The following DLC1 variants were observed in gnomAD, a reference collection of about 807,000 sequenced individuals.
DLC1 encodes the protein DLC1 Rho GTPase activating protein.
In DLC1, 54 loss-of-function variants were observed where a neutral mutation model predicts 140.3. The ratio of observed to expected loss-of-function variants is 0.38; its 90% CI spans 0.31 to 0.48. DLC1 has a LOEUF of 0.48. DLC1 is among the 20% of genes least tolerant of loss of function. The probability of loss-of-function intolerance (pLI) is 0.96; values close to 1 mark genes in which losing one functional copy is unlikely to be tolerated. For synonymous variants in DLC1, 986 were observed against 728.1 expected (o/e 1.35, Z -5.70); for missense variants, 2,536 against 1,907.0 (o/e 1.33, Z -6.14).
At position 13,539,750 on chromosome 8, in the gene DLC1, ATGTGTG is replaced by A. The variant is rs71207162; in HGVS notation, c.-125-39560_-125-39555del. On this transcript the variant is annotated intron_variant, in intron 1 of 1. Coordinates refer to the DLC1 transcript ENST00000631382. ...ATGAGGCATTAAGAAATGTGTGTGT[ATGTGTG>A]TGTGTGTGTGTGTGTGTGTGTACAT... Among the ~76,000 whole-genome samples, 541 of 147,276 alleles carry A rather than the reference ATGTGTG, an allele frequency of 3.7e-3. 4 individuals carry two copies. The highest frequency in any genetic ancestry group is 0.013 in the African/African-American group (512 of 39,002).
At chr8:13,139,183 G>T (rs1262447804) in intron 5 of DLC1, among the ~76,000 whole-genome samples, 1 of 148,652 alleles carries the variant, frequency 6.7e-6, no homozygotes, top group Non-Finnish European at 1.5e-5. Flanking sequence ...CCAGCTACTT[G>T]GGAGGCTGAG....
intron 5 of DLC1, among the ~76,000 whole-genome samples, chr8:13,271,820 T>A (rs1331799923): frequency 6.6e-6 from 1 of 152,186 alleles, no homozygotes; most frequent in East Asian, 1.9e-4. Flanking sequence ...GGACTACAGA[T>A]GGTCACCACC....
At chr8:13,479,994 A>T (rs943965765) in intron 2 of DLC1, among the ~76,000 whole-genome samples, 3 of 151,132 alleles carry the variant, frequency 2.0e-5, no homozygotes, top group Non-Finnish European at 4.4e-5. Context: ...TGGGCCCAGG[A>T]GGTGGGGGCT....
intron 2 of DLC1, among the ~76,000 whole-genome samples, chr8:13,482,458 G>T (rs904794911): frequency 5.3e-5 from 8 of 152,170 alleles, no homozygotes; most frequent in Admixed American, 2.0e-4. Flanking sequence ...CTGACTAGAA[G>T]TGTCTTTATT....
At chr8:13,142,085 T>C (rs1294676840) in intron 5 of DLC1, among the ~76,000 whole-genome samples, 1 of 152,208 alleles carries the variant, frequency 6.6e-6, no homozygotes, top group African/African-American at 2.4e-5. Context: ...TTTCCCACAC[T>C]CATACATACA....
intron 5 of DLC1, among the ~76,000 whole-genome samples, chr8:13,267,188 A>G (rs1830721862): frequency 6.6e-6 from 1 of 152,236 alleles, no homozygotes; most frequent in African/African-American, 2.4e-5. Flanking sequence ...CGGTCTTATC[A>G]GAGCTGAAAA....
intron 2 of DLC1, among the ~76,000 whole-genome samples, chr8:13,465,229 A>G (rs900805424): frequency 1.3e-5 from 2 of 152,192 alleles, no homozygotes; most frequent in African/African-American, 2.4e-5. Context: ...CCTTTCCTGG[A>G]GAACAAAATC....
intron 7 of DLC1, among the ~76,000 whole-genome samples, chr8:13,110,514 G>A (rs1444175981): frequency 6.6e-6 from 1 of 152,118 alleles, no homozygotes; most frequent in East Asian, 1.9e-4. Context: ...AATATGGAAT[G>A]CTATTGTGTG....
intron 2 of DLC1, among the ~76,000 whole-genome samples, chr8:13,470,496 T>A (rs1408713850): frequency 6.6e-6 from 1 of 152,116 alleles, no homozygotes; most frequent in Non-Finnish European, 1.5e-5. Context: ...ATAGAAATGG[T>A]CAACAGGTAT....
chr8:13,148,737 C>G (rs1823606553), intron 5 of DLC1, among the ~76,000 whole-genome samples: 1 of 152,118 alleles, frequency 6.6e-6, no homozygotes, highest in Non-Finnish European at 1.5e-5. Flanking sequence ...TCTCATTCTT[C>G]TATGCATTTA....
At chr8:13,396,478 T>C (rs1407750306) in intron 3 of DLC1, among the ~76,000 whole-genome samples, 2 of 152,312 alleles carry the variant, frequency 1.3e-5, no homozygotes, top group Admixed American at 6.5e-5. Context: ...GTTTATTGCA[T>C]TTTTACCTTT....
At chr8:13,471,588 G>A (rs975998628) in intron 2 of DLC1, among the ~76,000 whole-genome samples, 1 of 151,742 alleles carries the variant, frequency 6.6e-6, no homozygotes, top group African/African-American at 2.4e-5. Flanking sequence ...TGGGTACAAG[G>A]CTCAATACCT....
intron 1 of DLC1, among the ~76,000 whole-genome samples, chr8:13,580,369 C>A (rs1805049696): frequency 6.6e-6 from 1 of 152,152 alleles, no homozygotes; most frequent in South Asian, 2.1e-4. Flanking sequence ...GATCTGCCCG[C>A]GTCGGACTCC....
At chr8:13,104,985 G>A (rs886945699) in intron 7 of DLC1, among the ~76,000 whole-genome samples, 14 of 152,278 alleles carry the variant, frequency 9.2e-5, no homozygotes, top group Middle Eastern at 6.8e-3. Flanking sequence ...TAAAGAATCC[G>A]GAATGGTTAC....
intron 7 of DLC1, among the ~76,000 whole-genome samples, chr8:13,108,836 G>A (rs1354046853): frequency 6.6e-6 from 1 of 152,150 alleles, no homozygotes; most frequent in Non-Finnish European, 1.5e-5. Context: ...AAAAATGTCT[G>A]GAGTAGTTCA....
intron 4 of DLC1, among the ~76,000 whole-genome samples, chr8:13,388,224 T>C (rs1287758964): frequency 2.0e-5 from 3 of 152,062 alleles, no homozygotes; most frequent in Non-Finnish European, 4.4e-5. Flanking sequence ...GAAATAGTAT[T>C]TTATTGGCAT....
intron 1 of DLC1, among the ~76,000 whole-genome samples, chr8:13,537,722 C>A (rs1027177300): frequency 1.4e-5 from 2 of 141,054 alleles, no homozygotes; most frequent in African/African-American, 5.3e-5. Context: ...GGCGCGATCT[C>A]GGCTCACTGC....
intron 1 of DLC1, among the ~76,000 whole-genome samples, chr8:13,600,835 AG>A (rs1359846468): frequency 2.0e-5 from 3 of 151,994 alleles, no homozygotes; most frequent in South Asian, 2.1e-4. Flanking sequence ...AAAACTGATC[AG>A]GGCATTTATT....
intron 5 of DLC1, among the ~76,000 whole-genome samples, chr8:13,272,431 A>T (rs1320457145): frequency 6.6e-6 from 1 of 152,030 alleles, no homozygotes; most frequent in Non-Finnish European, 1.5e-5. Flanking sequence ...ACAGAGTGAA[A>T]CTCTGTCTCA....
Sources: allele counts gnomAD v4.1 joint callset (sites outside exome capture counted in the v4.1 genomes callset), GRCh38; gene constraint gnomAD v4.1.1; transcripts MANE v1.5; gene names NCBI Gene and HGNC (gene_info 2026-07-23, HGNC 2026-07-21).